The following ARHGEF37 variants were observed in gnomAD, a reference collection of about 807,000 sequenced individuals.
The protein encoded by ARHGEF37 is Rho guanine nucleotide exchange factor (GEF) 37.
In ARHGEF37, 55 loss-of-function variants were observed where a neutral mutation model predicts 71.1. That is an observed-to-expected ratio of 0.77 (90% CI 0.62 to 0.97). The LOEUF (loss-of-function observed/expected upper bound fraction) is 0.97, where lower values mean the gene tolerates loss of function less well. Ranked by LOEUF, ARHGEF37 falls within the 50% of genes least tolerant of loss-of-function variation. ARHGEF37 has a pLI of 0.00. For missense variants in ARHGEF37, 765 were observed against 836.8 expected (o/e 0.91, Z 1.06); for synonymous variants, 327 against 350.6 (o/e 0.93, Z 0.75).
At chr5:149,596,235 G>A (rs185892808) in intron 1 of ARHGEF37, among the ~76,000 whole-genome samples, 37 of 152,246 alleles carry the variant, frequency 2.4e-4, no homozygotes, top group Admixed American at 1.5e-3. Context: ...TATTATAACT[G>A]ATCTAGCATT....
chr5:149,571,238 G>A (rs866488590), intron 1 of ARHGEF37, among the ~76,000 whole-genome samples: 2 of 151,830 alleles, frequency 1.3e-5, no homozygotes, highest in African/African-American at 2.4e-5. Flanking sequence ...CACCGCGTCC[G>A]GCCAAGTTTT....
intron 1 of ARHGEF37, among the ~76,000 whole-genome samples, chr5:149,587,043 GT>G (rs1253150111): frequency 6.6e-6 from 1 of 152,018 alleles, no homozygotes; most frequent in African/African-American, 2.4e-5. Flanking sequence ...ACTATTTGTT[GT>G]AATCAAGTGG....
At chr5:149,627,308 G>A in intron 11 of ARHGEF37, 37 bp downstream of exon 11, 1 of 1,594,978 alleles carries the variant, frequency 6.3e-7, no homozygotes, top group Non-Finnish European at 8.5e-7. Flanking sequence ...TCTCCTTCGG[G>A]GAAAACCACC....
At chr5:149,572,261 T>C (rs1762977172) in intron 1 of ARHGEF37, among the ~76,000 whole-genome samples, 1 of 152,212 alleles carries the variant, frequency 6.6e-6, no homozygotes, top group Non-Finnish European at 1.5e-5. Flanking sequence ...AGAGAATATA[T>C]AGTTTGTTTC....
At chr5:149,605,360 A>G (rs1198980801) in intron 3 of ARHGEF37, among the ~76,000 whole-genome samples, 1 of 152,240 alleles carries the variant, frequency 6.6e-6, no homozygotes, top group African/African-American at 2.4e-5. Context: ...ATTTAACTCA[A>G]TAGATCCAAA....
At chr5:149,581,233 G>A (rs184442257), upstream of ARHGEF37, among the ~76,000 whole-genome samples, 68 of 152,330 alleles carry the variant, frequency 4.5e-4, no homozygotes, top group Admixed American at 2.4e-3. Context: ...TTTTCTGGAT[G>A]ACGAGCCCGC....
intron 1 of ARHGEF37, among the ~76,000 whole-genome samples, chr5:149,573,557 T>G (rs1762995064): frequency 6.6e-6 from 1 of 152,222 alleles, no homozygotes; most frequent in African/African-American, 2.4e-5. Flanking sequence ...CTTACCTTGC[T>G]TTATTTTCCT....
At chr5:149,599,529 A>G (rs1464699342) in intron 2 of ARHGEF37, among the ~76,000 whole-genome samples, 1 of 151,376 alleles carries the variant, frequency 6.6e-6, no homozygotes, top group Non-Finnish European at 1.5e-5. Flanking sequence ...CTCCCATCTC[A>G]CCCTCCGAAG....
intron 1 of ARHGEF37, among the ~76,000 whole-genome samples, chr5:149,564,126 T>C (rs1762870490): frequency 6.6e-6 from 1 of 151,936 alleles, no homozygotes; most frequent in Non-Finnish European, 1.5e-5. Flanking sequence ...CTAATTTTTA[T>C]ATTTTTAGTA....
At chr5:149,563,992 G>A (rs910592338) in intron 1 of ARHGEF37, among the ~76,000 whole-genome samples, 3 of 134,086 alleles carry the variant, frequency 2.2e-5, no homozygotes, top group African/African-American at 5.8e-5. Context: ...TCACTCTGTC[G>A]GCCAGCCTGG....
intron 1 of ARHGEF37, among the ~76,000 whole-genome samples, chr5:149,583,094 C>T (rs1383359595): frequency 6.6e-6 from 1 of 152,140 alleles, no homozygotes; most frequent in African/African-American, 2.4e-5. Context: ...GCTTCACTTG[C>T]CTCTTTCAAA....
chr5:149,598,032 T>C, intron 2 of ARHGEF37, 77 bp downstream of exon 2: 1 of 1,471,088 alleles, frequency 6.8e-7, no homozygotes, highest in Non-Finnish European at 9.1e-7. Context: ...TTCTCATCCA[T>C]TCCTGGGGCA....
Position 149,597,900 on chromosome 5 carries a change from C to T in ARHGEF37, c.131C>T (p.Ser44Phe), listed in dbSNP as rs754328535. The part of the protein sequence containing the change: ...AVRELIDTEV[S>F]YLHMLQLCAS... ...CGGGAGCTCATCGACACTGAGGTCTCCTACTTGCACATGCTCCAGCTCTGT... is the reference window on the plus strand; with the variant it reads ...CGGGAGCTCATCGACACTGAGGTCTTCTACTTGCACATGCTCCAGCTCTGT... Residue 44 changes from serine (S) to phenylalanine (F), a missense_variant, in exon 2 of 13, where the codon TCC becomes TTC. Physicochemically the swap from Ser to Phe is radical, Grantham distance 155. Transcript: ENST00000333677. 6.8e-6 allele frequency: 11 copies of T among 1,608,734 alleles called. No homozygotes were observed. In the Admixed American group the frequency reaches 1.0e-4, roughly 15 times the overall value.
chr5:149,629,117 TC>T, intron 12 of ARHGEF37, 151 bp downstream of exon 12: 1 of 1,080,082 alleles, frequency 9.3e-7, no homozygotes, highest in Non-Finnish European at 1.3e-6. Flanking sequence ...CATGCCAGTG[TC>T]CCAGCCAGGA....
chr5:149,612,915 T>C (rs1453426241), intron 4 of ARHGEF37, among the ~76,000 whole-genome samples: 1 of 152,220 alleles, frequency 6.6e-6, no homozygotes, highest in Non-Finnish European at 1.5e-5. Context: ...AGGATGTTCA[T>C]TCTGTCTTTT....
rs376742741 is a variant in ARHGEF37 at position 149,601,066 on chromosome 5, G to A, written c.187-42G>A. The A allele has an allele frequency of 4.4e-6, 7 of 1,591,678 alleles. No homozygotes were observed. In the African/African-American group the frequency reaches 8.1e-5, roughly 18 times the overall value. Reference sequence around the variant, plus strand: ...TCAAAAGCCTGCAAATACATTCTATGGAACTCCCAACCACCTCTCATGGCT... The same window carrying A: ...TCAAAAGCCTGCAAATACATTCTATAGAACTCCCAACCACCTCTCATGGCT... On this transcript the variant is annotated intron_variant, in intron 2 of 12. Coordinates refer to ENST00000333677, the MANE Select transcript of ARHGEF37 (RefSeq NM_001001669.3).
At chr5:149,572,875 T>C (rs1762983839) in intron 1 of ARHGEF37, among the ~76,000 whole-genome samples, 1 of 152,208 alleles carries the variant, frequency 6.6e-6, no homozygotes, top group Non-Finnish European at 1.5e-5. Context: ...CCAAGTGTCT[T>C]AGTCCATCTT....
At chr5:149,625,463 A>C (rs1752658171) in intron 10 of ARHGEF37, among the ~76,000 whole-genome samples, 1 of 152,200 alleles carries the variant, frequency 6.6e-6, no homozygotes, top group Admixed American at 6.5e-5. Context: ...AGGGACACAG[A>C]GAAACAAGAA....
chr5:149,601,189 C>T lies in ARHGEF37; in HGVS notation c.268C>T (p.Gln90Ter), dbSNP rs750369515. 7 of 1,613,086 alleles carry T rather than the reference C, an allele frequency of 4.3e-6. No homozygotes were observed. The Admixed American group carries it at 1.2e-4, about 27-fold the overall frequency. The change falls in exon 3 of 13, where the codon CAG (glutamine) becomes TAG (stop). Residue 90 changes from glutamine (Q) to a stop codon, truncating the protein, a stop_gained. Transcript: ENST00000333677. LOFTEE classifies it high-confidence loss of function. The stretch of plus-strand genomic sequence containing the variant: ...GAACAGCAGATTCCTCCATGATCTG[C>T]AGGAGACAGCCTCCAAGGAAGAGGA... ...KVNSRFLHDL[Q>*]ETASKEEEQV...
Sources: gnomAD v4.1 joint callset for allele counts (sites outside exome capture counted in the v4.1 genomes callset) on GRCh38, gnomAD v4.1.1 for gene constraint, MANE v1.5 for transcripts, NCBI Gene and HGNC (gene_info 2026-07-23, HGNC 2026-07-21) for gene names.